Variants in ADAMTS7 observed in about 807,000 individuals in gnomAD.
ADAMTS7 encodes ADAM metallopeptidase with thrombospondin type 1 motif 7.
A neutral mutation model predicts 172.6 loss-of-function variants in ADAMTS7; 89 were observed. The observed-to-expected ratio is 0.52, with a 90% CI of 0.43 to 0.61. The LOEUF (loss-of-function observed/expected upper bound fraction) is 0.61, where lower values mean the gene tolerates loss of function less well. Ranked by LOEUF, ADAMTS7 falls within the 20% of genes least tolerant of loss-of-function variation. The pLI is 0.00. For synonymous variants in ADAMTS7, 885 were observed against 978.4 expected (o/e 0.90, Z 1.78); for missense variants, 1,973 against 2,355.6 (o/e 0.84, Z 3.36).
intron 19 of ADAMTS7, 187 bp from the exon 20 acceptor site, chr15:78,764,894 C>G (rs1020227840): frequency 3.6e-5 from 21 of 578,362 alleles, no homozygotes; most frequent in Middle Eastern, 4.7e-4. Context: ...AATGAAAAGT[C>G]AAATCCCCTC....
rs117290887 is a variant in ADAMTS7, at chr15:78,767,354, G to T, written c.2859+25C>A. 4.4e-5 allele frequency: 71 copies of T among 1,608,406 alleles called. No homozygotes were observed. The African/African-American group carries it at 8.1e-4, about 18-fold the overall frequency. Reference sequence around the variant, plus strand: ...GAAGACCAAGGGTGGAGCTGGAGGCGGGCCCCTTCCCATCCCACACTCACC... The same window carrying T: ...GAAGACCAAGGGTGGAGCTGGAGGCTGGCCCCTTCCCATCCCACACTCACC... On this transcript the variant is annotated intron_variant, in intron 18 of 23. Transcript: ENST00000388820.
chr15:78,782,899 A>T (rs1217942201), intron 8 of ADAMTS7, among the ~76,000 whole-genome samples: 1 of 151,938 alleles, frequency 6.6e-6, no homozygotes, highest in Non-Finnish European at 1.5e-5. Flanking sequence ...GCCGGGGATC[A>T]CTCCCTGGGG....
At chr15:78,760,630 C>A (rs34115022) in intron 23 of ADAMTS7, among the ~76,000 whole-genome samples, 4 of 152,072 alleles carry the variant, frequency 2.6e-5, no homozygotes, top group Admixed American at 1.3e-4. Flanking sequence ...TGGATGTGGC[C>A]ATGCTGTGTC....
intron 16 of ADAMTS7, among the ~76,000 whole-genome samples, chr15:78,769,418 C>T (rs1047931156): frequency 3.9e-5 from 6 of 152,238 alleles, no homozygotes; most frequent in African/African-American, 1.4e-4. Flanking sequence ...TTGTTCAAGA[C>T]AGCAATGGGA....
At position 78,773,980 on chromosome 15, in the gene ADAMTS7, G is replaced by A. The variant is rs530384283; in HGVS notation, c.2010+187C>T. On this transcript the variant is annotated intron_variant, in intron 13 of 23. Coordinates refer to ENST00000388820, the MANE Select transcript of ADAMTS7 (RefSeq NM_014272.5). ...TTGCCTTAGAGGTCATAGAGGGTAC[G>A]GGCTGGGAAGCCCGATGGTAGAGCA... Among the ~76,000 whole-genome samples, 14 of 152,314 alleles carry A rather than the reference G, an allele frequency of 9.2e-5. No individual in the cohort carries two copies. The East Asian group carries it at 1.9e-3, about 21-fold the overall frequency.
intron 22 of ADAMTS7, 60 bp downstream of exon 22, chr15:78,763,639 C>A: frequency 1.3e-6 from 2 of 1,497,792 alleles, no homozygotes; most frequent in South Asian, 2.7e-5. Context: ...TCACCCAACC[C>A]AAGACTGACC....
Position 78,800,526 on chromosome 15 carries a change from G to T in ADAMTS7, c.122C>A (p.Ala41Glu), listed in dbSNP as rs201865227. ...AACCGGGTGCACGATGTCCAGTGCC[G>T]CCCGGCCCTCGGTTGCACGTCCTGC... is the stretch of plus-strand genomic sequence containing the variant. ...PAPGRATEGR[A>E]ALDIVHPVRV... The change falls in exon 2 of 24, where the codon GCG becomes GAG. Residue 41 changes from alanine to glutamate, a missense_variant. This residue lies in a region of ADAMTS7 where 306 missense variants were observed against 288.0 expected (regional missense o/e 1.06). Coordinates refer to ENST00000388820, the MANE Select transcript of ADAMTS7 (RefSeq NM_014272.5). The T allele has an allele frequency of 9.0e-5, 144 of 1,600,874 alleles. No homozygotes were observed. In the African/African-American group the frequency reaches 1.9e-3, roughly 21 times the overall value.
intron 8 of ADAMTS7, among the ~76,000 whole-genome samples, chr15:78,780,218 C>T (rs1397758080): frequency 6.7e-6 from 1 of 150,316 alleles, no homozygotes; most frequent in African/African-American, 2.4e-5. Context: ...AACCCGTCAG[C>T]CCTTCCCCTC....
intron 8 of ADAMTS7, among the ~76,000 whole-genome samples, chr15:78,778,718 A>G (rs1274982078): frequency 6.6e-6 from 1 of 152,176 alleles, no homozygotes; most frequent in Non-Finnish European, 1.5e-5. Flanking sequence ...CAAACCCTCC[A>G]GTTCTCCAGT....
At chr15:78,793,411 T>C (rs2055605960) in intron 4 of ADAMTS7, among the ~76,000 whole-genome samples, 1 of 151,834 alleles carries the variant, frequency 6.6e-6, no homozygotes, top group Non-Finnish European at 1.5e-5. Flanking sequence ...TGGAGTGCAG[T>C]TGCATGATCT....
Position 78,763,946 on chromosome 15 carries a change from A to C in ADAMTS7, c.4573T>G (p.Tyr1525Asp), listed in dbSNP as rs1183506234. Residue 1525 changes from tyrosine to aspartate, a missense_variant, in exon 21 of 24, where the codon TAC (tyrosine) becomes GAC (aspartate). Coordinates refer to ENST00000388820, the MANE Select transcript of ADAMTS7 (RefSeq NM_014272.5). ...CTCACCTCCCTCCAGGAAGATGTGT[A>C]CCAGCTGAGGCAGGGCTGGGCCCCG... The part of the protein sequence containing the change: ...PCGAQPCLSW[Y>D]TSSWRECSEA... The C allele has an allele frequency of 6.5e-7, 1 of 1,547,926 alleles. No individual in the cohort carries two copies. The highest frequency in any genetic ancestry group is 1.2e-5 in the South Asian group (1 of 82,712).
At chr15:78,760,544 C>T (rs1316866217) in intron 23 of ADAMTS7, among the ~76,000 whole-genome samples, 5 of 152,080 alleles carry the variant, frequency 3.3e-5, no homozygotes, top group Non-Finnish European at 4.4e-5. Context: ...CCTGGTCGCC[C>T]GGGGTGACCT....
At chr15:78,774,823 G>T (rs535851790) in intron 11 of ADAMTS7, 30 bp from the exon 12 acceptor site, 2 of 1,562,456 alleles carry the variant, frequency 1.3e-6, no homozygotes, top group African/African-American at 1.3e-5. Context: ...GGGCCCCAGT[G>T]ACGGCCCAGT....
chr15:78,763,674 T>C lies in ADAMTS7; in HGVS notation c.4740+25A>G, dbSNP rs370675358. 14 of 1,513,420 alleles carry C rather than the reference T, an allele frequency of 9.3e-6. No homozygotes were observed. In the East Asian group the frequency reaches 2.5e-4, roughly 27 times the overall value. 93.7% of individuals were successfully genotyped at this position (1,513,420 alleles called of 1,614,324 possible). On this transcript the variant is annotated intron_variant, in intron 22 of 23. Transcript: ENST00000388820. ...CAGGCGCCACCAAGCACTTGCTCCC[T>C]GCTCCTCCCCGCAGCCCGGCTCACC...
chr15:78,775,945 A>C (rs1036986265), intron 11 of ADAMTS7, among the ~76,000 whole-genome samples: 2 of 152,164 alleles, frequency 1.3e-5, no homozygotes, highest in East Asian at 1.9e-4. Flanking sequence ...GTGGCCTCTG[A>C]TGAGTCTCTC....
At chr15:78,789,612 A>C in intron 7 of ADAMTS7, 77 bp downstream of exon 7, 1 of 1,565,258 alleles carries the variant, frequency 6.4e-7, no homozygotes, top group Non-Finnish European at 8.7e-7. Context: ...TGTGACCCAC[A>C]GGCTGGATAC....
chr15:78,764,796 C>T, intron 19 of ADAMTS7, 89 bp from the exon 20 acceptor site: 1 of 1,356,194 alleles, frequency 7.4e-7, no homozygotes, highest in Non-Finnish European at 9.6e-7. Context: ...GCTAGCGAGA[C>T]CTCAGCAAGA....
intron 8 of ADAMTS7, among the ~76,000 whole-genome samples, chr15:78,784,833 C>T (rs1018908938): frequency 1.3e-5 from 2 of 152,062 alleles, no homozygotes; most frequent in Non-Finnish European, 2.9e-5. Context: ...TCACTTCCAA[C>T]CCGAAGTTGA....
chr15:78,769,820 C>T (rs905965102), intron 16 of ADAMTS7, among the ~76,000 whole-genome samples: 12 of 152,264 alleles, frequency 7.9e-5, no homozygotes, highest in African/African-American at 2.9e-4. Flanking sequence ...CCCCAAATGT[C>T]TAGTGCTGCA....
Sources: allele counts gnomAD v4.1 joint callset (sites outside exome capture counted in the v4.1 genomes callset), GRCh38; gene constraint gnomAD v4.1.1; regional missense constraint gnomAD v4.1.1; transcripts MANE v1.5; gene names NCBI Gene and HGNC (gene_info 2026-07-23, HGNC 2026-07-21).